The following UTRN variants were observed in gnomAD, a reference collection of about 807,000 sequenced individuals.
UTRN encodes dystrophin-related protein 1.
Under a neutral mutation model 463.9 loss-of-function variants are expected in UTRN, and 283 were observed. The observed-to-expected ratio is 0.61, with a 90% CI of 0.55 to 0.67. UTRN has a LOEUF of 0.67. Among genes scored for constraint, UTRN ranks in the 30% least tolerant of loss-of-function variants. The pLI, the probability that UTRN is intolerant of heterozygous loss-of-function variation, is 0.00. For missense variants in UTRN, 3,922 were observed against 4,084.3 expected (o/e 0.96, Z 1.08); for synonymous variants, 1,442 against 1,431.5 (o/e 1.01, Z -0.17).
At chr6:144,312,078 T>G (rs191045564) in intron 2 of UTRN, 1 of 152,198 alleles carries the variant, frequency 6.6e-6, no homozygotes, top group East Asian at 1.9e-4. Context: ...AAAGTAGAGA[T>G]AGTAATAGCA....
chr6:144,771,607 G>T (rs550487788), intron 58 of UTRN, among the ~76,000 whole-genome samples: 1 of 151,910 alleles, frequency 6.6e-6, no homozygotes, highest in Non-Finnish European at 1.5e-5. Context: ...TGTATTTTTA[G>T]TAGCGATGGG....
intron 14 of UTRN, among the ~76,000 whole-genome samples, chr6:144,445,583 T>C: frequency 6.7e-6 from 1 of 149,334 alleles, no homozygotes. Context: ...CAATCTGTGG[T>C]CAGATTTTTC....
chr6:144,650,206 A>G (rs1330035182), intron 51 of UTRN, among the ~76,000 whole-genome samples: 2 of 152,110 alleles, frequency 1.3e-5, no homozygotes, highest in African/African-American at 4.8e-5. Context: ...GGAAAGACCC[A>G]CCTTCATGAT....
chr6:144,828,939 T>A, intron 69 of UTRN, 84 bp downstream of exon 69: 2 of 1,466,502 alleles, frequency 1.4e-6, no homozygotes, highest in Admixed American at 3.5e-5. Flanking sequence ...CTGATGTGGC[T>A]CTGAATCTTG....
In UTRN at chr6:144,455,134, C is replaced by T. The variant is rs577754285; in HGVS notation, c.2284+1265C>T. 3.3e-5 allele frequency among the ~76,000 whole-genome samples: 5 copies of T among 152,070 alleles called. No individual in the cohort carries two copies. In the South Asian group the frequency reaches 1.0e-3, roughly 32 times the overall value. On this transcript the variant is annotated intron_variant, in intron 19 of 74. Coordinates refer to ENST00000367545, the MANE Select transcript of UTRN (RefSeq NM_007124.3). Reference sequence around the variant, plus strand: ...ATATATAGATATATACACATACACACAAAATATGGAATGTATACCATGTGG... The same window carrying T: ...ATATATAGATATATACACATACACATAAAATATGGAATGTATACCATGTGG...
At position 144,488,826 on chromosome 6, in the gene UTRN, G is replaced by C; in HGVS notation, c.4126G>C (p.Glu1376Gln). 1 of 1,594,694 alleles carries C rather than the reference G, an allele frequency of 6.3e-7. No homozygotes were observed. Among genetic ancestry groups the C allele is most frequent in the South Asian group, 1.1e-5 (1 of 87,834 alleles). The change falls in exon 30 of 75, where the codon GAA becomes CAA. Residue 1376 changes from glutamate (E) to glutamine (Q), a missense_variant. By Grantham distance (29) the Glu-to-Gln change is conservative. This residue lies in a region of UTRN where 2,349 missense variants were observed against 2,303.8 expected (regional missense o/e 1.02). Coordinates refer to ENST00000367545, the MANE Select transcript of UTRN (RefSeq NM_007124.3). ...GATAGATGCTTTCCAAGTTCCACAG[G>C]AAGCTCAGGTATTGCCGTGCATTTG... is the stretch of plus-strand genomic sequence containing the variant. ...DRIDAFQVPQ[E>Q]AQKIQAEISA... is the part of the protein sequence containing the mutation.
Position 144,539,509 on chromosome 6 carries a change from C to T in UTRN, c.6519+66C>T. On this transcript the variant is annotated intron_variant, in intron 45 of 74. Coordinates refer to ENST00000367545, the MANE Select transcript of UTRN (RefSeq NM_007124.3). The stretch of plus-strand genomic sequence containing the variant: ...GATTTTGTTGTCAGAGATGTGGGAT[C>T]ATGTAACTGCTTTACTTTCAAGTAT... 4 of 1,464,282 alleles carry T rather than the reference C, an allele frequency of 2.7e-6. No individual in the cohort carries two copies. The South Asian group carries it at 5.9e-5, about 22-fold the overall frequency. The allele number at this position is 1,464,282 out of a possible 1,614,324, so 90.7% of individuals were successfully genotyped here.
At chr6:144,660,202 T>C (rs1461403559) in intron 51 of UTRN, 1 of 470,922 alleles carries the variant, frequency 2.1e-6, no homozygotes, top group Non-Finnish European at 4.4e-6. Flanking sequence ...CGGAAAGATG[T>C]AGGCTTCAAG....
chr6:144,387,225 CT>C (rs1184243199), intron 2 of UTRN, among the ~76,000 whole-genome samples: 1 of 152,162 alleles, frequency 6.6e-6, no homozygotes, highest in African/African-American at 2.4e-5. Context: ...TCACTGCAAC[CT>C]CCGCCTCCTG....
intron 52 of UTRN, among the ~76,000 whole-genome samples, chr6:144,684,858 T>C (rs182754728): frequency 1.3e-5 from 2 of 152,326 alleles, no homozygotes; most frequent in African/African-American, 4.8e-5. Flanking sequence ...TTTTTACTTA[T>C]TTATTTTTTA....
intron 54 of UTRN, among the ~76,000 whole-genome samples, chr6:144,735,481 T>TCAGAGGACCTGGAAAGGTCCTA (rs200343508): frequency 6.6e-6 from 1 of 152,162 alleles, no homozygotes; most frequent in Non-Finnish European, 1.5e-5. Flanking sequence ...GCTGAATGGT[T>TCAGAGGACCTGGAAAGGTCCTA]CAGAGGACCT....
At chr6:144,626,415 C>G (rs977683576) in intron 51 of UTRN, among the ~76,000 whole-genome samples, 1 of 152,228 alleles carries the variant, frequency 6.6e-6, no homozygotes, top group African/African-American at 2.4e-5. Context: ...TAGAGAAGAA[C>G]CCAAATGACA....
At chr6:144,313,108 T>G (rs1775042273) in intron 2 of UTRN, among the ~76,000 whole-genome samples, 1 of 152,246 alleles carries the variant, frequency 6.6e-6, no homozygotes, top group African/African-American at 2.4e-5. Context: ...TTGTTCCATT[T>G]TCTTGATGAG....
intron 52 of UTRN, among the ~76,000 whole-genome samples, chr6:144,695,838 AAT>A (rs1273806852): frequency 6.6e-6 from 1 of 152,206 alleles, no homozygotes; most frequent in African/African-American, 2.4e-5. Flanking sequence ...GAAATACACT[AAT>A]AAGTTCTCTG....
rs76314775 is a variant in UTRN at position 144,444,270 on chromosome 6, C to G, written c.1513-11C>G. The G allele has an allele frequency of 1.2e-6, 2 of 1,605,560 alleles. No individual in the cohort carries two copies. Among genetic ancestry groups the G allele is most frequent in the African/African-American group, 2.7e-5 (2 of 74,632 alleles). On this transcript the variant is annotated splice_polypyrimidine_tract_variant and intron_variant, in intron 13 of 74. Transcript: ENST00000367545. ...GCTGTGTTGACAAAGGATGGTTTCT[C>G]CTTTTTCTAGAAACTTGGTGAGCGC... is the stretch of plus-strand genomic sequence containing the variant.
chr6:144,765,876 T>C (rs1013033200), intron 58 of UTRN, among the ~76,000 whole-genome samples: 1 of 151,380 alleles, frequency 6.6e-6, no homozygotes, highest in African/African-American at 2.4e-5. Flanking sequence ...TATTTGAATT[T>C]TGGACAGAAT....
At chr6:144,386,886 T>C (rs928058714) in intron 2 of UTRN, among the ~76,000 whole-genome samples, 1 of 152,070 alleles carries the variant, frequency 6.6e-6, no homozygotes, top group Non-Finnish European at 1.5e-5. Flanking sequence ...AAAAACTCAA[T>C]ATAAAAAAAA....
At chr6:144,341,448 GA>G (rs1307630241) in intron 2 of UTRN, among the ~76,000 whole-genome samples, 1 of 150,542 alleles carries the variant, frequency 6.6e-6, no homozygotes, top group Non-Finnish European at 1.5e-5. Context: ...AGTAAGGTCT[GA>G]AAAAAAAAGA....
intron 25 of UTRN, among the ~76,000 whole-genome samples, chr6:144,477,571 CTT>C (rs367851704): frequency 6.6e-6 from 1 of 150,732 alleles, no homozygotes; most frequent in African/African-American, 2.4e-5. Flanking sequence ...CGCACACACC[CTT>C]TTTTTTTGGT....
Sources: gnomAD v4.1 joint callset for allele counts (sites outside exome capture counted in the v4.1 genomes callset) on GRCh38, gnomAD v4.1.1 for gene constraint, gnomAD v4.1.1 regional missense constraint, MANE v1.5 for transcripts, NCBI Gene and HGNC (gene_info 2026-07-23, HGNC 2026-07-21) for gene names.